Variants in NBAS observed in about 807,000 individuals in gnomAD.
NBAS encodes NBAS subunit of NRZ tethering complex.
Under a neutral mutation model 302.5 loss-of-function variants are expected in NBAS, and 219 were observed. The observed-to-expected ratio is 0.72, with a 90% CI of 0.65 to 0.81. The LOEUF is 0.81. Among genes scored for constraint, NBAS ranks in the 30% least tolerant of loss-of-function variants. The pLI is 0.00. For missense variants in NBAS, 2,932 were observed against 2,841.6 expected (o/e 1.03, Z -0.72); for synonymous variants, 1,118 against 1,021.6 (o/e 1.09, Z -1.80).
chr2:15,184,474 C>A (rs1222255183), intron 50 of NBAS, among the ~76,000 whole-genome samples: 1 of 151,622 alleles, frequency 6.6e-6, no homozygotes, highest in African/African-American at 2.4e-5. Flanking sequence ...CGATGGGCTA[C>A]AGTGACGCAT....
chr2:14,945,048 A>C, the NBAS span, among the ~76,000 whole-genome samples: 1 of 152,228 alleles, frequency 6.6e-6, no homozygotes, highest in South Asian at 2.1e-4. Flanking sequence ...TCTACTGTGT[A>C]ACTCAGCCAA....
At chr2:14,806,129 A>G in the NBAS span, among the ~76,000 whole-genome samples, 2 of 152,138 alleles carry the variant, frequency 1.3e-5, no homozygotes, top group Admixed American at 6.5e-5. Context: ...TGAGTTTCTA[A>G]TTCAGTAGGT....
intron 30 of NBAS, among the ~76,000 whole-genome samples, chr2:15,375,669 GAATTACAAATAAATTCTA>G (rs1674700894): frequency 1.3e-5 from 2 of 152,030 alleles, no homozygotes; most frequent in Non-Finnish European, 2.9e-5. Context: ...CTAGACCCAG[GAATTACAAATAAATTCTA>G]AATTACAAAT....
the NBAS span, among the ~76,000 whole-genome samples, chr2:15,116,724 G>A: frequency 1.1e-4 from 16 of 152,104 alleles, no homozygotes; most frequent in African/African-American, 3.9e-4. Flanking sequence ...TTATTTGAAC[G>A]TCTCAGCAAA....
intron 11 of NBAS, among the ~76,000 whole-genome samples, chr2:15,493,829 C>CTTTT (rs10715868): frequency 8.8e-6 from 1 of 113,578 alleles, no homozygotes; most frequent in Non-Finnish European, 1.9e-5. Flanking sequence ...GCAATTTTCT[C>CTTTT]TTTTTTTTTT....
intron 38 of NBAS, among the ~76,000 whole-genome samples, chr2:15,311,263 A>C (rs1367506345): frequency 6.6e-6 from 1 of 152,220 alleles, no homozygotes; most frequent in Non-Finnish European, 1.5e-5. Flanking sequence ...TTTTGATGCC[A>C]AACAAATTAT....
intron 35 of NBAS, among the ~76,000 whole-genome samples, chr2:15,342,983 A>C (rs548435010): frequency 1.7e-4 from 26 of 152,078 alleles, no homozygotes; most frequent in African/African-American, 6.0e-4. Flanking sequence ...AAAAAAAAAA[A>C]ATCAAAGGAC....
At chr2:15,004,542 T>A in the NBAS span, among the ~76,000 whole-genome samples, 2 of 152,108 alleles carry the variant, frequency 1.3e-5, no homozygotes, top group Non-Finnish European at 2.9e-5. Context: ...TCACCCTCTG[T>A]CCAGACTGGG....
chr2:15,144,065 ATATC>A, the NBAS span, among the ~76,000 whole-genome samples: 72 of 121,668 alleles, frequency 5.9e-4, 6 homozygotes, highest in African/African-American at 1.9e-3. Flanking sequence ...ATATATATAT[ATATC>A]TCCCATTAGT....
chr2:15,119,392 T>C, the NBAS span, among the ~76,000 whole-genome samples: 8 of 134,132 alleles, frequency 6.0e-5, no homozygotes, highest in African/African-American at 2.2e-4. Context: ...CACTGCAACC[T>C]CCACCTCCCG....
intron 25 of NBAS, among the ~76,000 whole-genome samples, chr2:15,403,023 T>A (rs927295769): frequency 6.6e-6 from 1 of 152,156 alleles, no homozygotes; most frequent in Non-Finnish European, 1.5e-5. Flanking sequence ...AAATATAGAA[T>A]GAAAAATAAA....
chr2:15,015,760 T>C, the NBAS span, among the ~76,000 whole-genome samples: 3 of 152,114 alleles, frequency 2.0e-5, no homozygotes, highest in Non-Finnish European at 4.4e-5. Flanking sequence ...ACCACTCTTA[T>C]TCAACATAGT....
At chr2:15,305,748 G>A (rs1441099712) in intron 40 of NBAS, among the ~76,000 whole-genome samples, 1 of 152,128 alleles carries the variant, frequency 6.6e-6, no homozygotes, top group Admixed American at 6.5e-5. Flanking sequence ...CACCTGGCCT[G>A]GGAAGTTCTT....
chr2:15,421,636 A>C (rs1677218601), intron 23 of NBAS, among the ~76,000 whole-genome samples: 1 of 151,940 alleles, frequency 6.6e-6, no homozygotes, highest in Non-Finnish European at 1.5e-5. Context: ...AAAAGCCTCT[A>C]AGTGTTTTAA....
At chr2:14,973,154 G>A in the NBAS span, among the ~76,000 whole-genome samples, 1 of 152,170 alleles carries the variant, frequency 6.6e-6, no homozygotes, top group Admixed American at 6.5e-5. Flanking sequence ...AGCCCTGATG[G>A]GGAATTTCGG....
chr2:15,373,554 C>T (rs912110673), intron 31 of NBAS, among the ~76,000 whole-genome samples: 40 of 152,166 alleles, frequency 2.6e-4, no homozygotes, highest in Non-Finnish European at 2.9e-5. Context: ...TGGTCTCAAG[C>T]TTTTGGACTA....
intron 20 of NBAS, 45 bp downstream of exon 20, chr2:15,461,642 G>A (rs1203029245): frequency 8.1e-6 from 9 of 1,117,666 alleles, no homozygotes; most frequent in Non-Finnish European, 1.2e-5. Flanking sequence ...AAGATTTAGA[G>A]AGTGTTAATA....
chr2:14,812,146 G>C, the NBAS span, among the ~76,000 whole-genome samples: 6 of 152,186 alleles, frequency 3.9e-5, no homozygotes, highest in African/African-American at 1.2e-4. Flanking sequence ...TAGCTCTATA[G>C]GCTAGGGGCC....
At chr2:15,144,033 T>A in the NBAS span, among the ~76,000 whole-genome samples, 10 of 100,466 alleles carry the variant, frequency 1.0e-4, no homozygotes, top group East Asian at 3.6e-4. Flanking sequence ...ATATATATAT[T>A]ATCCTATATA....
Sources: gnomAD v4.1 joint callset for allele counts (sites outside exome capture counted in the v4.1 genomes callset) on GRCh38, gnomAD v4.1.1 for gene constraint, MANE v1.5 for transcripts, NCBI Gene and HGNC (gene_info 2026-07-23, HGNC 2026-07-21) for gene names.